CMBL: variants seen among roughly 807,000 people sequenced by gnomAD.
CMBL encodes the protein carboxymethylenebutenolidase homolog.
In CMBL, 17 loss-of-function variants were observed where a neutral mutation model predicts 28.7. The ratio of observed to expected loss-of-function variants is 0.59; its 90% CI spans 0.41 to 0.89. CMBL has a LOEUF of 0.89. CMBL is among the 40% of genes least tolerant of loss of function. CMBL has a pLI of 0.00. For synonymous variants in CMBL, 106 were observed against 101.6 expected (o/e 1.04, Z -0.26); for missense variants, 310 against 298.5 (o/e 1.04, Z -0.28).
In CMBL at chr5:10,286,357, AGACG is replaced by A. The variant is rs1746603597; in HGVS notation, c.459_462del (p.Val154MetfsTer13). 2 of 1,613,598 alleles carry A rather than the reference AGACG, an allele frequency of 1.2e-6. No individual in the cohort carries two copies. Among genetic ancestry groups the A allele is most frequent in the African/African-American group, 2.7e-5 (2 of 74,908 alleles). Reference sequence around the variant, plus strand: ...AAAATGCACAAGGCAGATTTACCATAGACGGACACCCCTGCCCTGAATTCTGAGT... The same window carrying A: ...AAAATGCACAAGGCAGATTTACCATAGACACCCCTGCCCTGAATTCTGAGT... On this transcript the variant is annotated frameshift_variant, in exon 4 of 6. Transcript: ENST00000296658. LOFTEE classifies it high-confidence loss of function.
chr5:10,296,297 T>C (rs550853745), intron 1 of CMBL, among the ~76,000 whole-genome samples: 3 of 152,166 alleles, frequency 2.0e-5, no homozygotes, highest in East Asian at 1.9e-4. Flanking sequence ...GTTTGTTTGT[T>C]TGAGACACAG....
At chr5:10,291,414 G>A (rs938781737) in intron 1 of CMBL, among the ~76,000 whole-genome samples, 1 of 152,146 alleles carries the variant, frequency 6.6e-6, no homozygotes, top group Non-Finnish European at 1.5e-5. Flanking sequence ...TGTAATCCCA[G>A]CACTTTGGGA....
At chr5:10,292,921 G>C (rs1297560653) in intron 1 of CMBL, among the ~76,000 whole-genome samples, 1 of 152,030 alleles carries the variant, frequency 6.6e-6, no homozygotes, top group Non-Finnish European at 1.5e-5. Context: ...TGAACAACTG[G>C]AGAACACAGT....
rs1204521944 is a variant in CMBL, at chr5:10,278,685, T to A, written c.*1768A>T. Among the ~76,000 whole-genome samples, 1 of 152,142 alleles carries A rather than the reference T, an allele frequency of 6.6e-6. No homozygotes were observed. Among genetic ancestry groups the A allele is most frequent in the Non-Finnish European group, 1.5e-5 (1 of 68,032 alleles). On this transcript the variant is annotated 3_prime_UTR_variant, in exon 6 of 6. Coordinates refer to ENST00000296658, the MANE Select transcript of CMBL (RefSeq NM_138809.4). ...TTCTCTGGATCTGTAAGCAATAAACTGCTTCTGTCATTTCTTGGGTTCTGA... is the reference window on the plus strand; with the variant it reads ...TTCTCTGGATCTGTAAGCAATAAACAGCTTCTGTCATTTCTTGGGTTCTGA...
At chr5:10,284,830 G>A (rs771368976) in intron 4 of CMBL, among the ~76,000 whole-genome samples, 18 of 151,996 alleles carry the variant, frequency 1.2e-4, no homozygotes, top group Admixed American at 7.9e-4. Flanking sequence ...TTTTGTTTTC[G>A]TTTATCTATT....
intron 1 of CMBL, among the ~76,000 whole-genome samples, chr5:10,299,519 C>A (rs986620339): frequency 2.6e-5 from 4 of 152,098 alleles, no homozygotes; most frequent in Non-Finnish European, 5.9e-5. Context: ...AGATATCCCA[C>A]CACTAGATGT....
chr5:10,297,883 G>A (rs940207291), intron 1 of CMBL, among the ~76,000 whole-genome samples: 1 of 152,162 alleles, frequency 6.6e-6, no homozygotes, highest in Non-Finnish European at 1.5e-5. Context: ...GCGGGAGAGT[G>A]TGGATGCTCC....
At position 10,289,928 on chromosome 5, in the gene CMBL, G is replaced by A. The variant is rs1444517936; in HGVS notation, c.215+620C>T. Among the ~76,000 whole-genome samples the A allele has an allele frequency of 6.6e-6, 1 of 152,234 alleles. No homozygotes were observed. Among genetic ancestry groups the A allele is most frequent in the African/African-American group, 2.4e-5 (1 of 41,458 alleles). ...CACTGGGTTGATGCTTTCCGACGCTGGAGAGGAAGGAAGGTTCTGGCCCTC... is the reference window on the plus strand; with the variant it reads ...CACTGGGTTGATGCTTTCCGACGCTAGAGAGGAAGGAAGGTTCTGGCCCTC... On this transcript the variant is annotated intron_variant, in intron 2 of 5. Transcript: ENST00000296658. This position sits in a 1 kb window ranked among gnomAD's most constrained non-coding sequence, Gnocchi z 4.3.
intron 4 of CMBL, among the ~76,000 whole-genome samples, chr5:10,285,405 G>T (rs983666788): frequency 2.6e-5 from 4 of 152,058 alleles, no homozygotes; most frequent in African/African-American, 9.7e-5. Flanking sequence ...TTGACCTCAT[G>T]AGCCACCCAC....
intron 1 of CMBL, chr5:10,307,379 A>G (rs1747017608): frequency 6.6e-6 from 1 of 152,244 alleles, no homozygotes; most frequent in Non-Finnish European, 1.5e-5. Context: ...ATGGCGAAAC[A>G]CCTACAGGAA....
At chr5:10,288,557 T>C (rs1746649140) in intron 2 of CMBL, 28 bp from the exon 3 acceptor site, 6 of 1,490,054 alleles carry the variant, frequency 4.0e-6, no homozygotes, top group Non-Finnish European at 4.7e-6. Context: ...GAATTGATCT[T>C]AGTTTCAGAG....
Position 10,282,217 on chromosome 5 carries a change from C to A in CMBL, c.538G>T (p.Val180Phe). ...PTLFIFAENDVVIPLKDVSLL... is the reference protein window; with the variant it reads ...PTLFIFAENDFVIPLKDVSLL... The stretch of plus-strand genomic sequence containing the variant: ...CTTACGTCCTTGAGTGGAATCACAA[C>A]ATCATTTTCAGCAAAAATGAACAAA... Residue 180 changes from valine to phenylalanine, a missense_variant, in exon 5 of 6, where the codon GTT (valine) becomes TTT (phenylalanine). Transcript: ENST00000296658. 6.2e-7 allele frequency: 1 copy of A among 1,611,048 alleles called. No homozygotes were observed. The highest frequency in any genetic ancestry group is 8.5e-7 in the Non-Finnish European group (1 of 1,177,238).
chr5:10,287,787 T>C (rs1457366920), intron 3 of CMBL, among the ~76,000 whole-genome samples: 1 of 151,922 alleles, frequency 6.6e-6, no homozygotes, highest in East Asian at 2.0e-4. Flanking sequence ...CTTGGCTCAC[T>C]GCAATCTCCG....
At chr5:10,295,115 C>T (rs1369569381) in intron 1 of CMBL, among the ~76,000 whole-genome samples, 7 of 151,132 alleles carry the variant, frequency 4.6e-5, no homozygotes, top group South Asian at 2.1e-4. Flanking sequence ...CAGAGACTCG[C>T]TCTGGTTGCC....
intron 1 of CMBL, chr5:10,307,202 T>G (rs1232902643): frequency 6.6e-6 from 1 of 152,200 alleles, no homozygotes; most frequent in Non-Finnish European, 1.5e-5. Context: ...ATGCTCAGTT[T>G]TTTAATAGTT....
chr5:10,286,718 G>A (rs996192791), intron 3 of CMBL, among the ~76,000 whole-genome samples: 1 of 152,166 alleles, frequency 6.6e-6, no homozygotes, highest in Non-Finnish European at 1.5e-5. Context: ...ACAGCTGCAG[G>A]CAAGCTGGGC....
At position 10,299,454 on chromosome 5, in the gene CMBL, A is replaced by AC. The variant is rs1414014304; in HGVS notation, c.-20+8170_-20+8171insG. ...GGGAAATGGGAGGGCATGTGAAATG[A>AC]TACAAACCCTGGAAGGAGTCTAGCA... On this transcript the variant is annotated intron_variant, in intron 1 of 5. Coordinates refer to ENST00000296658, the MANE Select transcript of CMBL (RefSeq NM_138809.4). Among the ~76,000 whole-genome samples, 3 of 152,280 alleles carry AC rather than the reference A, an allele frequency of 2.0e-5. No homozygotes were observed. In the East Asian group the frequency reaches 5.8e-4, roughly 29 times the overall value.
At chr5:10,301,714 G>T (rs1746903370) in intron 1 of CMBL, among the ~76,000 whole-genome samples, 1 of 148,788 alleles carries the variant, frequency 6.7e-6, no homozygotes, top group African/African-American at 2.5e-5. Flanking sequence ...CGATTCTCCT[G>T]CCTCAGCCTC....
intron 5 of CMBL, among the ~76,000 whole-genome samples, chr5:10,281,678 T>G (rs184466279): frequency 5.7e-4 from 87 of 152,336 alleles, no homozygotes; most frequent in African/African-American, 2.0e-3. Context: ...AACCAGGCCA[T>G]GCTGAGAATA....
Sources: gnomAD v4.1 joint callset for allele counts (sites outside exome capture counted in the v4.1 genomes callset) on GRCh38, gnomAD v4.1.1 for gene constraint, Gnocchi (gnomAD v3.1) non-coding constraint, MANE v1.5 for transcripts, NCBI Gene and HGNC (gene_info 2026-07-23, HGNC 2026-07-21) for gene names.